GALNT2: variants seen among roughly 807,000 people sequenced by gnomAD.
The protein encoded by GALNT2 is UDP-GalNAc:polypeptide N-acetylgalactosaminyltransferase 2.
In GALNT2, 31 loss-of-function variants were observed where a neutral mutation model predicts 81.4. That is an observed-to-expected ratio of 0.38 (90% CI 0.29 to 0.51). The LOEUF (loss-of-function observed/expected upper bound fraction) is 0.51. Ranked by LOEUF, GALNT2 falls within the 20% of genes least tolerant of loss-of-function variation. GALNT2 has a pLI of 0.87. For synonymous variants in GALNT2, 303 were observed against 287.4 expected, an observed-to-expected ratio of 1.05 and a Z score of -0.55; for missense variants, 629 against 765.7, an observed-to-expected ratio of 0.82 and a Z score of 2.11.
At chr1:230,235,889 C>T in intron 3 of GALNT2, 125 bp from the exon 4 acceptor site, 7 of 766,796 alleles carry the variant, frequency 9.1e-6, no homozygotes, top group South Asian at 7.0e-5. Flanking sequence ...GGAACTTCTG[C>T]AGATAACAAG....
rs575207623 is a variant in GALNT2 at position 230,067,818 on chromosome 1, G to C, written c.126+412G>C. On this transcript the variant is annotated intron_variant, in intron 1 of 15. Transcript: ENST00000366672. ...GCGTCATGTACAGCAGGAGAGAGGA[G>C]TCCAAGTTTCTTTTCAGCCCTTTGA... Among the ~76,000 whole-genome samples, 25 of 152,342 alleles carry C rather than the reference G, an allele frequency of 1.6e-4. No homozygotes were observed. In the South Asian group the frequency reaches 5.0e-3, roughly 30 times the overall value.
chr1:230,245,482 A>G (rs1196832323), intron 7 of GALNT2, among the ~76,000 whole-genome samples: 1 of 131,094 alleles, frequency 7.6e-6, no homozygotes, highest in Non-Finnish European at 1.5e-5. Flanking sequence ...AAACAAAACA[A>G]AAAAACAAAA....
intron 3 of GALNT2, among the ~76,000 whole-genome samples, chr1:230,206,763 T>A (rs1400657166): frequency 6.6e-6 from 1 of 152,186 alleles, no homozygotes; most frequent in Admixed American, 6.5e-5. Flanking sequence ...AAGAATGAGG[T>A]GTTTGGAGTC....
At chr1:230,107,646 T>TGTGTG in intron 1 of GALNT2, among the ~76,000 whole-genome samples, 1 of 91,370 alleles carries the variant, frequency 1.1e-5, no homozygotes. Context: ...GTGTGTGTGG[T>TGTGTG]TGGTTGGTTG....
chr1:230,257,631 A>G lies in GALNT2; in HGVS notation c.1136+2287A>G, dbSNP rs367734739. On this transcript the variant is annotated intron_variant, in intron 11 of 15. Coordinates refer to ENST00000366672, the MANE Select transcript of GALNT2 (RefSeq NM_004481.5). The surrounding 1 kb of genome is among the most constrained non-coding windows in gnomAD (Gnocchi z 4.6). ...ACTCTATGATGTTCACACAACGACAACATCGCCTAAGGATGCATTTTTCAG... is the reference window on the plus strand; with the variant it reads ...ACTCTATGATGTTCACACAACGACAGCATCGCCTAAGGATGCATTTTTCAG... Among the ~76,000 whole-genome samples, 9 of 152,306 alleles carry G rather than the reference A, an allele frequency of 5.9e-5. No homozygotes were observed. Among genetic ancestry groups the G allele is most frequent in the East Asian group, 3.9e-4 (2 of 5,184 alleles).
rs372150000 is a variant in GALNT2 at position 230,274,564 on chromosome 1, G to C, written c.1560G>C (p.Gln520His). The C allele has an allele frequency of 6.2e-7, 1 of 1,613,610 alleles. No individual in the cohort carries two copies. The highest frequency in any genetic ancestry group is 1.3e-5 in the African/African-American group (1 of 74,912). Residue 520 changes from glutamine (Q) to histidine (H), a missense_variant and splice_region_variant, in exon 15 of 16, where the codon CAG (glutamine) becomes CAC (histidine). Physicochemically the swap from Gln to His is conservative, Grantham distance 24. Transcript: ENST00000366672. ...GCTGCCGAGAAAATGACAGCAGACA[G>C]GTACGGCTTGCAGGCACCCGTGGGT... ...LQGCRENDSR[Q>H]KWEQIEGNSK... is the part of the protein sequence containing the mutation.
At chr1:230,267,086 C>A (rs899141024) in intron 14 of GALNT2, among the ~76,000 whole-genome samples, 2 of 152,220 alleles carry the variant, frequency 1.3e-5, no homozygotes, top group African/African-American at 4.8e-5. Context: ...CTCAGTCCCC[C>A]TCTCTTCCTT....
intron 1 of GALNT2, among the ~76,000 whole-genome samples, chr1:230,116,526 C>G (rs535839889): frequency 2.5e-4 from 38 of 152,242 alleles, no homozygotes; most frequent in African/African-American, 9.2e-4. Flanking sequence ...CTGTGCCTGG[C>G]CACAAAATGT....
Position 230,159,350 on chromosome 1 carries a change from C to T in GALNT2, c.127-18868C>T, listed in dbSNP as rs184799297. Among the ~76,000 whole-genome samples, 4 of 53,164 alleles carry T rather than the reference C, an allele frequency of 7.5e-5. No homozygotes were observed. In the South Asian group the frequency reaches 2.4e-3, roughly 32 times the overall value. 34.9% of individuals were successfully genotyped at this position (53,164 alleles called of 152,430 possible). A position where few individuals can be genotyped will look rare whatever the true frequency, so the allele number is the denominator to read the frequency against. Reference sequence around the variant, plus strand: ...TTTCTCTTAAAGTGTTCAGCACTCCCCTGAGTTTATTAGAAGGATCAGAAG... The same window carrying T: ...TTTCTCTTAAAGTGTTCAGCACTCCTCTGAGTTTATTAGAAGGATCAGAAG... On this transcript the variant is annotated intron_variant, in intron 1 of 15. Transcript: ENST00000366672.
At chr1:230,209,318 G>C (rs1213297740) in intron 3 of GALNT2, among the ~76,000 whole-genome samples, 1 of 152,026 alleles carries the variant, frequency 6.6e-6, no homozygotes, top group African/African-American at 2.4e-5. Context: ...GGTCCTTTGT[G>C]GAGGTGATTA....
At chr1:230,191,017 C>T (rs1558132252) in intron 2 of GALNT2, among the ~76,000 whole-genome samples, 1 of 152,142 alleles carries the variant, frequency 6.6e-6, no homozygotes, top group African/African-American at 2.4e-5. Flanking sequence ...CACAGGGGGC[C>T]TATTTTCTTA....
chr1:230,086,620 A>G (rs1571944774), intron 1 of GALNT2, among the ~76,000 whole-genome samples: 5 of 152,124 alleles, frequency 3.3e-5, no homozygotes, highest in Admixed American at 3.3e-4. Flanking sequence ...TTTCCTTTTC[A>G]TTCTTTGTTC....
chr1:230,156,183 C>T (rs1008209179), intron 1 of GALNT2, among the ~76,000 whole-genome samples: 4 of 142,844 alleles, frequency 2.8e-5, no homozygotes, highest in African/African-American at 5.3e-5. Context: ...GGAGACGGTG[C>T]GGTTTTGGGA....
intron 1 of GALNT2, among the ~76,000 whole-genome samples, chr1:230,123,629 T>G (rs1183822454): frequency 6.6e-6 from 1 of 152,254 alleles, no homozygotes; most frequent in Non-Finnish European, 1.5e-5. Context: ...TTGTCTTGCT[T>G]GAGCCTTTGT....
At position 230,070,073 on chromosome 1, in the gene GALNT2, G is replaced by C. The variant is rs1659327582; in HGVS notation, c.126+2667G>C. 6.6e-6 allele frequency among the ~76,000 whole-genome samples: 1 copy of C among 152,204 alleles called. No homozygotes were observed. Among genetic ancestry groups the C allele is most frequent in the Non-Finnish European group, 1.5e-5 (1 of 68,040 alleles). On this transcript the variant is annotated intron_variant, in intron 1 of 15. Coordinates refer to ENST00000366672, the MANE Select transcript of GALNT2 (RefSeq NM_004481.5). The surrounding 1 kb of genome is among the most constrained non-coding windows in gnomAD (Gnocchi z 4.7). ...CCACTTGGCAAAACCCAGAGAGCCA[G>C]CTCACCTCAGATTGCAGGTTTAGTA...
intron 1 of GALNT2, among the ~76,000 whole-genome samples, chr1:230,144,575 T>C (rs1051491650): frequency 6.6e-6 from 1 of 152,212 alleles, no homozygotes; most frequent in African/African-American, 2.4e-5. Flanking sequence ...ATAGACGCTG[T>C]ATACTCTTAG....
At chr1:230,069,081 G>A (rs1411383265) in intron 1 of GALNT2, among the ~76,000 whole-genome samples, 1 of 152,136 alleles carries the variant, frequency 6.6e-6, no homozygotes, top group Non-Finnish European at 1.5e-5. Flanking sequence ...AGCCACCCTT[G>A]GCGTTTCTCT....
intron 1 of GALNT2, among the ~76,000 whole-genome samples, chr1:230,121,948 C>CTTTT (rs11430880): frequency 7.7e-5 from 8 of 104,002 alleles, no homozygotes; most frequent in African/African-American, 1.9e-4. Flanking sequence ...TACTGTTATG[C>CTTTT]TTTTTTTTTT....
At chr1:230,177,701 C>T (rs1339961272) in intron 1 of GALNT2, among the ~76,000 whole-genome samples, 1 of 152,052 alleles carries the variant, frequency 6.6e-6, no homozygotes, top group Non-Finnish European at 1.5e-5. Flanking sequence ...GCTTGGTGGC[C>T]CTACCCCCTG....
Sources: allele counts gnomAD v4.1 joint callset (sites outside exome capture counted in the v4.1 genomes callset), GRCh38; gene constraint gnomAD v4.1.1; non-coding constraint Gnocchi (gnomAD v3.1); transcripts MANE v1.5; gene names NCBI Gene and HGNC (gene_info 2026-07-23, HGNC 2026-07-21).